PCDH15: variants seen among roughly 807,000 people sequenced by gnomAD.
The protein encoded by PCDH15 is protocadherin-15.
In PCDH15, 129 loss-of-function variants were observed where a neutral mutation model predicts 178.5. The observed-to-expected ratio is 0.72, with a 90% CI of 0.63 to 0.84. The LOEUF (loss-of-function observed/expected upper bound fraction) is 0.84. PCDH15 is among the 40% of genes least tolerant of loss of function. The pLI is 0.00. For synonymous variants in PCDH15, 800 were observed against 732.0 expected, an observed-to-expected ratio of 1.09 and a Z score of -1.50; for missense variants, 2,230 against 2,099.9, an observed-to-expected ratio of 1.06 and a Z score of -1.21.
chr10:54,392,571 T>C (rs929562576), intron 3 of PCDH15, among the ~76,000 whole-genome samples: 1 of 151,630 alleles, frequency 6.6e-6, no homozygotes, highest in Admixed American at 6.6e-5. Context: ...TTGATAGTAT[T>C]TATAACGTTA....
At chr10:54,441,844 G>A (rs1158018314) in intron 3 of PCDH15, among the ~76,000 whole-genome samples, 7 of 151,710 alleles carry the variant, frequency 4.6e-5, no homozygotes, top group Non-Finnish European at 7.4e-5. Flanking sequence ...AAGGCCGGGG[G>A]ACCTAGAGAC....
intron 2 of PCDH15, among the ~76,000 whole-genome samples, chr10:55,474,311 G>A (rs1197527628): frequency 6.6e-6 from 1 of 152,144 alleles, no homozygotes; most frequent in African/African-American, 2.4e-5. Context: ...GACACACTGA[G>A]CAGAAAGTAG....
chr10:54,708,433 T>C (rs1299670362), intron 1 of PCDH15, among the ~76,000 whole-genome samples: 1 of 152,218 alleles, frequency 6.6e-6, no homozygotes, highest in Non-Finnish European at 1.5e-5. Flanking sequence ...ATCCAGATGA[T>C]AAAACATATA....
chr10:54,791,207 G>A (rs767795341), intron 1 of PCDH15, among the ~76,000 whole-genome samples: 1 of 151,818 alleles, frequency 6.6e-6, no homozygotes, highest in Non-Finnish European at 1.5e-5. Flanking sequence ...TAAAATAAAA[G>A]AAATATGAGG....
chr10:55,137,861 G>T, intron 2 of PCDH15, among the ~76,000 whole-genome samples: 1 of 152,070 alleles, frequency 6.6e-6, no homozygotes, highest in East Asian at 1.9e-4. Context: ...TGGAAATTTT[G>T]GATTTTACTG....
intron 21 of PCDH15, among the ~76,000 whole-genome samples, chr10:53,966,651 C>T (rs779354761): frequency 2.2e-4 from 33 of 151,930 alleles, no homozygotes; most frequent in Non-Finnish European, 4.6e-4. Flanking sequence ...CATTTTGAAA[C>T]CCAGAATTTC....
At chr10:55,265,905 T>G (rs1406423511) in intron 1 of PCDH15, among the ~76,000 whole-genome samples, 1 of 152,026 alleles carries the variant, frequency 6.6e-6, no homozygotes, top group Non-Finnish European at 1.5e-5. Context: ...CCACTTCAGT[T>G]TTGTACAATA....
chr10:54,914,465 G>T (rs2131837862), intron 2 of PCDH15, among the ~76,000 whole-genome samples: 1 of 152,166 alleles, frequency 6.6e-6, no homozygotes, highest in African/African-American at 2.4e-5. Context: ...CCCTATTTCA[G>T]TCAGTCATGG....
chr10:55,382,610 T>G (rs1300697858), intron 2 of PCDH15, among the ~76,000 whole-genome samples: 4 of 152,212 alleles, frequency 2.6e-5, no homozygotes, highest in African/African-American at 9.6e-5. Context: ...GATTATATCC[T>G]ATAGAACTGT....
At chr10:54,673,081 A>G (rs2094706383) in intron 1 of PCDH15, among the ~76,000 whole-genome samples, 1 of 152,106 alleles carries the variant, frequency 6.6e-6, no homozygotes, top group Admixed American at 6.5e-5. Context: ...TCATTTAAAA[A>G]AAAAATTAAA....
At chr10:54,364,614 T>C (rs1946537461) in intron 5 of PCDH15, among the ~76,000 whole-genome samples, 1 of 152,110 alleles carries the variant, frequency 6.6e-6, no homozygotes, top group Non-Finnish European at 1.5e-5. Context: ...TTTCCTTGCT[T>C]TTTTTTCTTT....
At chr10:54,314,811 G>T (rs1160764959) in intron 8 of PCDH15, among the ~76,000 whole-genome samples, 2 of 152,002 alleles carry the variant, frequency 1.3e-5, no homozygotes, top group Non-Finnish European at 2.9e-5. Flanking sequence ...TCCTGTGTTA[G>T]TTTGCTAAGG....
At chr10:53,987,870 T>A (rs537440848) in intron 21 of PCDH15, among the ~76,000 whole-genome samples, 1 of 152,306 alleles carries the variant, frequency 6.6e-6, no homozygotes, top group Admixed American at 6.5e-5. Flanking sequence ...ATCTTGTCAG[T>A]CTTTAATTTC....
intron 1 of PCDH15, among the ~76,000 whole-genome samples, chr10:55,191,950 A>T (rs1325393353): frequency 3.3e-5 from 5 of 152,008 alleles, no homozygotes; most frequent in Non-Finnish European, 5.9e-5. Flanking sequence ...GAACTGCTAA[A>T]AAAAATTAGT....
At chr10:54,520,778 G>A (rs924312048) in intron 3 of PCDH15, among the ~76,000 whole-genome samples, 19 of 149,894 alleles carry the variant, frequency 1.3e-4, no homozygotes, top group African/African-American at 3.7e-4. Flanking sequence ...TGTTTATTGC[G>A]GCATTATTCA....
chr10:55,194,415 G>T (rs960517143), intron 1 of PCDH15, among the ~76,000 whole-genome samples: 1 of 152,002 alleles, frequency 6.6e-6, no homozygotes, highest in African/African-American at 2.4e-5. Flanking sequence ...TGTTACAGGA[G>T]ATGAACCATT....
chr10:53,810,090 G>A (rs1370500800), intron 37 of PCDH15, among the ~76,000 whole-genome samples: 2 of 151,118 alleles, frequency 1.3e-5, no homozygotes, highest in African/African-American at 4.9e-5. Flanking sequence ...TTATAGAAAT[G>A]AGTCATGCTA....
chr10:55,421,546 A>T (rs890568275), intron 2 of PCDH15, among the ~76,000 whole-genome samples: 11 of 150,500 alleles, frequency 7.3e-5, no homozygotes, highest in Non-Finnish European at 1.2e-4. Context: ...CTAATAACAT[A>T]TCTGGAATTC....
intron 2 of PCDH15, among the ~76,000 whole-genome samples, chr10:55,559,892 T>C (rs1329519999): frequency 6.6e-6 from 1 of 151,864 alleles, no homozygotes; most frequent in Non-Finnish European, 1.5e-5. Flanking sequence ...ACCAAAAGAC[T>C]CTTACAAACA....
Sources: gnomAD v4.1 joint callset for allele counts (sites outside exome capture counted in the v4.1 genomes callset) on GRCh38, gnomAD v4.1.1 for gene constraint, MANE v1.5 for transcripts, NCBI Gene and HGNC (gene_info 2026-07-23, HGNC 2026-07-21) for gene names.